The following WDR70 variants were observed in gnomAD, a reference collection of about 807,000 sequenced individuals.
The protein encoded by WDR70 is WD repeat domain 70.
In WDR70, 53 loss-of-function variants were observed where a neutral mutation model predicts 88.6. That is an observed-to-expected ratio of 0.60 (90% CI 0.48 to 0.75). WDR70 has a LOEUF of 0.75. Ranked by LOEUF, WDR70 falls within the 30% of genes least tolerant of loss-of-function variation. WDR70 has a pLI of 0.00. For synonymous variants in WDR70, 280 were observed against 270.0 expected (o/e 1.04, Z -0.36); for missense variants, 610 against 823.2 (o/e 0.74, Z 3.17).
chr5:37,392,453 G>A (rs746264797), intron 4 of WDR70, among the ~76,000 whole-genome samples: 1 of 151,946 alleles, frequency 6.6e-6, no homozygotes, highest in African/African-American at 2.4e-5. Context: ...CAAAGTGCTG[G>A]GATTATAGAC....
intron 4 of WDR70, among the ~76,000 whole-genome samples, chr5:37,392,753 T>C (rs1748878272): frequency 6.6e-6 from 1 of 152,010 alleles, no homozygotes; most frequent in Non-Finnish European, 1.5e-5. Context: ...CAAGTGATTT[T>C]CCTGCCTTAG....
At chr5:37,701,195 A>T in intron 12 of WDR70, 53 bp downstream of exon 12, 2 of 1,148,372 alleles carry the variant, frequency 1.7e-6, no homozygotes, top group Non-Finnish European at 2.6e-6. Context: ...GAAAAGAAGT[A>T]CTTTTACTTT....
At chr5:37,693,023 G>A (rs1166476802) in intron 10 of WDR70, among the ~76,000 whole-genome samples, 1 of 151,928 alleles carries the variant, frequency 6.6e-6, no homozygotes, top group African/African-American at 2.4e-5. Context: ...CAAACTCTCG[G>A]GATACAAAAT....
At chr5:37,628,219 G>A (rs564557011) in intron 10 of WDR70, among the ~76,000 whole-genome samples, 103 of 152,140 alleles carry the variant, frequency 6.8e-4, no homozygotes, top group South Asian at 6.4e-3. Flanking sequence ...CTCCATTTCT[G>A]GCCTGTGGTG....
chr5:37,554,678 G>GCGCACACACA (rs5867353), intron 9 of WDR70, among the ~76,000 whole-genome samples: 19 of 147,670 alleles, frequency 1.3e-4, no homozygotes, highest in African/African-American at 4.3e-4. Context: ...GCACCTGCAC[G>GCGCACACACA]CACACACACA....
chr5:37,663,560 G>A (rs993453331), intron 10 of WDR70, among the ~76,000 whole-genome samples: 1 of 151,986 alleles, frequency 6.6e-6, no homozygotes, highest in Non-Finnish European at 1.5e-5. Context: ...GTTAATTCTT[G>A]TCATTCATCT....
At chr5:37,631,320 C>A (rs1744810450) in intron 10 of WDR70, among the ~76,000 whole-genome samples, 1 of 152,122 alleles carries the variant, frequency 6.6e-6, no homozygotes, top group African/African-American at 2.4e-5. Flanking sequence ...ACAGAGTTTG[C>A]CCAATGAAGG....
rs1432719772 is a variant in WDR70 at position 37,462,651 on chromosome 5, A to T, written c.687-17183A>T. Among the ~76,000 whole-genome samples the T allele has an allele frequency of 2.0e-5, 3 of 152,142 alleles. No individual in the cohort carries two copies. The East Asian group carries it at 5.8e-4, about 29-fold the overall frequency. The stretch of plus-strand genomic sequence containing the variant: ...AGTATTTTGGTTAGCAATAATTAAG[A>T]CATGTACTAAACATATACTAACTTG... On this transcript the variant is annotated intron_variant, in intron 7 of 17. Coordinates refer to ENST00000265107, the MANE Select transcript of WDR70 (RefSeq NM_018034.4).
intron 15 of WDR70, chr5:37,723,366 T>G: frequency 5.5e-6 from 1 of 181,284 alleles, no homozygotes; most frequent in Non-Finnish European, 1.2e-5. Flanking sequence ...TCTTCCAGCT[T>G]TCTCTGAAAT....
intron 9 of WDR70, among the ~76,000 whole-genome samples, chr5:37,527,275 CA>C (rs1741313187): frequency 1.3e-5 from 2 of 152,052 alleles, no homozygotes. Context: ...GTACTCGTAC[CA>C]AAACAGAGAT....
At chr5:37,429,102 C>G (rs925370485) in intron 5 of WDR70, among the ~76,000 whole-genome samples, 7 of 152,176 alleles carry the variant, frequency 4.6e-5, no homozygotes, top group African/African-American at 1.7e-4. Context: ...TCCTGAGTGT[C>G]TGGGACTGCA....
At chr5:37,651,242 T>A (rs985789299) in intron 10 of WDR70, among the ~76,000 whole-genome samples, 2 of 152,192 alleles carry the variant, frequency 1.3e-5, no homozygotes, top group African/African-American at 2.4e-5. Context: ...GTTACTTTGC[T>A]GAGAATGATG....
intron 3 of WDR70, among the ~76,000 whole-genome samples, chr5:37,390,100 A>G (rs532770553): frequency 1.4e-4 from 22 of 152,270 alleles, no homozygotes; most frequent in African/African-American, 5.1e-4. Context: ...GATGGTGGCA[A>G]TTGAGAACCA....
intron 7 of WDR70, among the ~76,000 whole-genome samples, chr5:37,452,918 T>C (rs1447362005): frequency 6.6e-6 from 1 of 152,166 alleles, no homozygotes; most frequent in Non-Finnish European, 1.5e-5. Flanking sequence ...GGAGTGAAGC[T>C]GAGGTAAATA....
intron 10 of WDR70, among the ~76,000 whole-genome samples, chr5:37,643,196 G>C (rs1211694042): frequency 6.6e-6 from 1 of 152,014 alleles, no homozygotes; most frequent in Non-Finnish European, 1.5e-5. Context: ...TCATTCTTCT[G>C]TATATGGATG....
At chr5:37,441,723 C>G (rs1750659325) in intron 6 of WDR70, among the ~76,000 whole-genome samples, 1 of 151,626 alleles carries the variant, frequency 6.6e-6, no homozygotes. Flanking sequence ...GAGGCTGAGG[C>G]AGGAGAATCG....
At chr5:37,677,141 C>G (rs1746252784) in intron 10 of WDR70, among the ~76,000 whole-genome samples, 1 of 151,932 alleles carries the variant, frequency 6.6e-6, no homozygotes, top group African/African-American at 2.4e-5. Context: ...CTTTATTAGT[C>G]TTGCTAGTGG....
chr5:37,698,758 A>G (rs1355432041), intron 11 of WDR70, among the ~76,000 whole-genome samples: 2 of 152,178 alleles, frequency 1.3e-5, no homozygotes, highest in Non-Finnish European at 2.9e-5. Flanking sequence ...TTTCCCCTCA[A>G]TTTAACTAGT....
intron 17 of WDR70, among the ~76,000 whole-genome samples, chr5:37,746,191 A>T (rs559793646): frequency 6.6e-6 from 1 of 152,336 alleles, no homozygotes; most frequent in South Asian, 2.1e-4. Context: ...ATAGATAGTG[A>T]AATTAAGGCA....
Sources: gnomAD v4.1 joint callset for allele counts (sites outside exome capture counted in the v4.1 genomes callset) on GRCh38, gnomAD v4.1.1 for gene constraint, MANE v1.5 for transcripts, NCBI Gene and HGNC (gene_info 2026-07-23, HGNC 2026-07-21) for gene names.